The following TNFSF4 variants were observed in gnomAD, a reference collection of about 807,000 sequenced individuals.
TNFSF4 encodes the protein tumor necrosis factor ligand superfamily member 4.
TNFSF4 carries 4 observed loss-of-function variants against 7.3 expected under a neutral mutation model. That is an observed-to-expected ratio of 0.55 (90% CI 0.27 to 1.25). The LOEUF is 1.25. Ranked by LOEUF, TNFSF4 falls within the 50% of genes most tolerant of loss-of-function variation. The pLI, the probability that TNFSF4 is intolerant of heterozygous loss-of-function variation, is 0.12. For synonymous variants in TNFSF4, 76 were observed against 83.7 expected, an observed-to-expected ratio of 0.91 and a Z score of 0.50; for missense variants, 181 against 208.8, an observed-to-expected ratio of 0.87 and a Z score of 0.82.
chr1:173,306,764 C>T, the TNFSF4 span, among the ~76,000 whole-genome samples: 7 of 151,912 alleles, frequency 4.6e-5, no homozygotes, highest in Non-Finnish European at 8.8e-5. Flanking sequence ...CTCAATATGA[C>T]TTCCTCCTGT....
At chr1:173,327,260 A>G in the TNFSF4 span, among the ~76,000 whole-genome samples, 2 of 152,254 alleles carry the variant, frequency 1.3e-5, no homozygotes, top group Non-Finnish European at 2.9e-5. Flanking sequence ...AAAACAAGCA[A>G]TGGGGAAAGG....
At chr1:173,440,904 T>C in the TNFSF4 span, among the ~76,000 whole-genome samples, 1 of 152,244 alleles carries the variant, frequency 6.6e-6, no homozygotes, top group African/African-American at 2.4e-5. Context: ...AATCTAATAT[T>C]AATCACTAAA....
chr1:173,311,971 G>A, the TNFSF4 span, among the ~76,000 whole-genome samples: 3 of 152,028 alleles, frequency 2.0e-5, no homozygotes, highest in Non-Finnish European at 4.4e-5. Flanking sequence ...ATTTCTTGTT[G>A]CTTTTAACCT....
the TNFSF4 span, among the ~76,000 whole-genome samples, chr1:173,247,201 A>G: frequency 6.6e-6 from 1 of 152,334 alleles, no homozygotes; most frequent in Non-Finnish European, 1.5e-5. Context: ...TCTGGAGGTA[A>G]GGAGTTCCCT....
the TNFSF4 span, among the ~76,000 whole-genome samples, chr1:173,319,548 T>C: frequency 1.3e-5 from 2 of 152,206 alleles, no homozygotes; most frequent in East Asian, 3.9e-4. Context: ...CTGACCCCTG[T>C]GCCTCCTGAC....
chr1:173,216,420 C>T, the TNFSF4 span, among the ~76,000 whole-genome samples: 1 of 152,138 alleles, frequency 6.6e-6, no homozygotes, highest in Non-Finnish European at 1.5e-5. Flanking sequence ...TGTGCCACCA[C>T]ATTCCTTCCC....
At chr1:173,406,098 G>T in the TNFSF4 span, among the ~76,000 whole-genome samples, 2 of 152,142 alleles carry the variant, frequency 1.3e-5, no homozygotes, top group African/African-American at 4.8e-5. Flanking sequence ...GTTAGTTCAA[G>T]GCTATATTCT....
the TNFSF4 span, among the ~76,000 whole-genome samples, chr1:173,419,190 A>G: frequency 6.6e-6 from 1 of 151,968 alleles, no homozygotes; most frequent in African/African-American, 2.4e-5. Context: ...AAATACAAAA[A>G]AATTAGCCGG....
chr1:173,360,994 T>C, the TNFSF4 span, among the ~76,000 whole-genome samples: 2 of 152,028 alleles, frequency 1.3e-5, no homozygotes, highest in African/African-American at 4.8e-5. Context: ...AAACTAACCA[T>C]GGGGCAACAG....
chr1:173,344,431 C>A, the TNFSF4 span, among the ~76,000 whole-genome samples: 1 of 152,092 alleles, frequency 6.6e-6, no homozygotes, highest in Non-Finnish European at 1.5e-5. Flanking sequence ...AACAATGAGA[C>A]AATAAAACAT....
chr1:173,205,650 C>G, intron 1 of TNFSF4: 2 of 964,432 alleles, frequency 2.1e-6, no homozygotes, highest in Non-Finnish European at 2.5e-6. Flanking sequence ...CTCAGCTGTT[C>G]TATATTTGGT....
the TNFSF4 span, among the ~76,000 whole-genome samples, chr1:173,414,167 T>C: frequency 6.6e-6 from 1 of 152,182 alleles, no homozygotes; most frequent in Non-Finnish European, 1.5e-5. Flanking sequence ...CACAGACATT[T>C]TTATTTTCTC....
chr1:173,188,322 A>C (rs529490642), intron 2 of TNFSF4, 199 bp downstream of exon 2: 2 of 568,042 alleles, frequency 3.5e-6, no homozygotes, highest in Non-Finnish European at 6.3e-6. Context: ...TATTTGATGA[A>C]TAATTAATCC....
the TNFSF4 span, among the ~76,000 whole-genome samples, chr1:173,250,553 G>A: frequency 2.2e-4 from 33 of 150,988 alleles, no homozygotes; most frequent in African/African-American, 7.3e-4. Flanking sequence ...TCCGCCTCCC[G>A]GGTTCACGCC....
chr1:173,238,782 G>A, the TNFSF4 span, among the ~76,000 whole-genome samples: 4 of 152,072 alleles, frequency 2.6e-5, no homozygotes, highest in East Asian at 7.7e-4. Flanking sequence ...AGAGAAAAGG[G>A]AACACTTATA....
At chr1:173,370,269 C>T in the TNFSF4 span, among the ~76,000 whole-genome samples, 6 of 152,248 alleles carry the variant, frequency 3.9e-5, no homozygotes, top group South Asian at 1.0e-3. Flanking sequence ...AAGAATGCGG[C>T]TTTAGCTGCA....
At chr1:173,306,994 T>A in the TNFSF4 span, among the ~76,000 whole-genome samples, 4 of 151,918 alleles carry the variant, frequency 2.6e-5, no homozygotes, top group Non-Finnish European at 4.4e-5. Context: ...TCTGGAAGCA[T>A]CTTCATTGAC....
At chr1:173,374,524 G>A in the TNFSF4 span, among the ~76,000 whole-genome samples, 1 of 152,110 alleles carries the variant, frequency 6.6e-6, no homozygotes, top group South Asian at 2.1e-4. Context: ...GACCAGCCTC[G>A]ATACACCTGT....
the TNFSF4 span, among the ~76,000 whole-genome samples, chr1:173,301,731 AT>A: frequency 6.6e-6 from 1 of 151,786 alleles, no homozygotes; most frequent in Non-Finnish European, 1.5e-5. Flanking sequence ...GCTTCATTTG[AT>A]CCAAAAATGC....
Sources: allele counts gnomAD v4.1 joint callset (sites outside exome capture counted in the v4.1 genomes callset), GRCh38; gene constraint gnomAD v4.1.1; transcripts MANE v1.5; gene names NCBI Gene and HGNC (gene_info 2026-07-23, HGNC 2026-07-21).